RHOBTB1: variants seen among roughly 807,000 people sequenced by gnomAD.
RHOBTB1 encodes the protein Rho related BTB domain containing 1, also known as rho-related BTB domain-containing protein 1.
In RHOBTB1, 40 loss-of-function variants were observed where a neutral mutation model predicts 71.6. That is an observed-to-expected ratio of 0.56 (90% CI 0.43 to 0.73). The LOEUF (loss-of-function observed/expected upper bound fraction) is 0.73. Ranked by LOEUF, RHOBTB1 falls within the 30% of genes least tolerant of loss-of-function variation. The pLI, the probability that RHOBTB1 is intolerant of heterozygous loss-of-function variation, is 0.00. For synonymous variants in RHOBTB1, 319 were observed against 334.9 expected (o/e 0.95, Z 0.52); for missense variants, 797 against 894.0 (o/e 0.89, Z 1.38).
At chr10:60,892,048 C>T (rs991237745) in intron 5 of RHOBTB1, among the ~76,000 whole-genome samples, 17 of 152,188 alleles carry the variant, frequency 1.1e-4, no homozygotes, top group Non-Finnish European at 2.5e-4. Context: ...GCCATGATTG[C>T]AAATTTCCTG....
intron 2 of RHOBTB1, among the ~76,000 whole-genome samples, chr10:60,934,371 C>A (rs572475562): frequency 3.9e-5 from 6 of 152,194 alleles, no homozygotes; most frequent in South Asian, 2.1e-4. Flanking sequence ...GAACTAATAC[C>A]TCAATAGGCC....
At chr10:60,955,216 T>C (rs1394113742) in intron 2 of RHOBTB1, among the ~76,000 whole-genome samples, 4 of 151,948 alleles carry the variant, frequency 2.6e-5, no homozygotes, top group Non-Finnish European at 4.4e-5. Flanking sequence ...AGCTAATTTT[T>C]GTATTTTTAG....
At chr10:60,948,011 T>C (rs1251717809), upstream of RHOBTB1, among the ~76,000 whole-genome samples, 1 of 152,238 alleles carries the variant, frequency 6.6e-6, no homozygotes, top group Admixed American at 6.5e-5. Context: ...CTTGTTATAA[T>C]AGTTGTGTAG....
At chr10:60,955,455 T>C (rs2085559591) in intron 2 of RHOBTB1, among the ~76,000 whole-genome samples, 1 of 152,160 alleles carries the variant, frequency 6.6e-6, no homozygotes, top group Non-Finnish European at 1.5e-5. Flanking sequence ...CAGACATGGA[T>C]CAATCATGCA....
intron 2 of RHOBTB1, among the ~76,000 whole-genome samples, chr10:60,935,583 T>C (rs2084533059): frequency 6.6e-6 from 1 of 152,180 alleles, no homozygotes; most frequent in South Asian, 2.1e-4. Flanking sequence ...TGGGAATCAC[T>C]ACACCAGATG....
chr10:60,922,309 C>A (rs190339102), intron 2 of RHOBTB1, among the ~76,000 whole-genome samples: 2 of 152,300 alleles, frequency 1.3e-5, no homozygotes, highest in East Asian at 3.9e-4. Flanking sequence ...AAGAGCCACA[C>A]CACAAAATGC....
At chr10:60,963,453 C>A (rs1435227368) in intron 2 of RHOBTB1, among the ~76,000 whole-genome samples, 4 of 152,088 alleles carry the variant, frequency 2.6e-5, no homozygotes, top group African/African-American at 9.7e-5. Flanking sequence ...AAAGTTGCAC[C>A]CTTTGCATAA....
intron 2 of RHOBTB1, among the ~76,000 whole-genome samples, chr10:60,933,375 T>C (rs2084370971): frequency 1.3e-5 from 2 of 152,192 alleles, no homozygotes; most frequent in African/African-American, 4.8e-5. Flanking sequence ...CATCCAATTT[T>C]AAGGTTTTAT....
chr10:60,967,533 C>A (rs2086012898), intron 2 of RHOBTB1, among the ~76,000 whole-genome samples: 2 of 151,824 alleles, frequency 1.3e-5, no homozygotes, highest in Admixed American at 1.3e-4. Context: ...GGATGGCAAT[C>A]CTGATGGATG....
At chr10:60,878,245 G>C (rs779104100) in intron 7 of RHOBTB1, among the ~76,000 whole-genome samples, 187 bp from the exon 8 acceptor site, 1 of 152,170 alleles carries the variant, frequency 6.6e-6, no homozygotes, top group Non-Finnish European at 1.5e-5. Context: ...ATTTGTAGTT[G>C]ACAAAAGAGT....
Position 60,908,266 on chromosome 10 carries a change from C to G in RHOBTB1, c.296+2621G>C, listed in dbSNP as rs149927618. On this transcript the variant is annotated intron_variant, in intron 4 of 10. Transcript: ENST00000337910. ...CCTTTTGCTATGAAGCAGAGGAAAC[C>G]GAAGGCAAGGTCTAAAACATGTTGG... 2.6e-5 allele frequency among the ~76,000 whole-genome samples: 4 copies of G among 152,160 alleles called. No homozygotes were observed. In the South Asian group the frequency reaches 8.3e-4, roughly 32 times the overall value.
chr10:60,995,298 T>C (rs1213853076), intron 1 of RHOBTB1, among the ~76,000 whole-genome samples: 1 of 152,110 alleles, frequency 6.6e-6, no homozygotes, highest in Admixed American at 6.6e-5. Flanking sequence ...TTACTACTTT[T>C]ATTTTACCTA....
intron 1 of RHOBTB1, among the ~76,000 whole-genome samples, chr10:60,990,036 G>A (rs550039697): frequency 3.2e-4 from 46 of 143,894 alleles, no homozygotes; most frequent in Non-Finnish European, 5.7e-4. Flanking sequence ...AGGCTGGAGT[G>A]CAGTGGCGCG....
chr10:60,900,078 CT>C (rs1223457323), intron 4 of RHOBTB1, among the ~76,000 whole-genome samples: 1 of 152,134 alleles, frequency 6.6e-6, no homozygotes, highest in Non-Finnish European at 1.5e-5. Flanking sequence ...CCATGCCATT[CT>C]GCTGGAGCAC....
At chr10:60,940,921 A>G (rs1327553963) in intron 2 of RHOBTB1, among the ~76,000 whole-genome samples, 1 of 152,208 alleles carries the variant, frequency 6.6e-6, no homozygotes, top group Non-Finnish European at 1.5e-5. Context: ...CTGAATGTTT[A>G]ACATCTTGCC....
chr10:60,971,177 A>T (rs186896420), intron 2 of RHOBTB1, among the ~76,000 whole-genome samples: 2 of 152,148 alleles, frequency 1.3e-5, no homozygotes, highest in East Asian at 3.9e-4. Flanking sequence ...TATTTGTAGA[A>T]ATTATTTATA....
chr10:60,900,435 G>C (rs2082361810), intron 4 of RHOBTB1, among the ~76,000 whole-genome samples: 2 of 152,146 alleles, frequency 1.3e-5, no homozygotes, highest in Non-Finnish European at 2.9e-5. Context: ...GCTTTTTCGT[G>C]AGCTATTTAT....
intron 6 of RHOBTB1, among the ~76,000 whole-genome samples, chr10:60,887,095 C>A (rs1241052901): frequency 2.0e-5 from 3 of 151,280 alleles, no homozygotes; most frequent in African/African-American, 7.3e-5. Flanking sequence ...AAAACAGAAT[C>A]CAATTGAGAC....
At chr10:60,913,220 G>A (rs941505700) in intron 2 of RHOBTB1, among the ~76,000 whole-genome samples, 9 of 152,174 alleles carry the variant, frequency 5.9e-5, no homozygotes, top group African/African-American at 1.9e-4. Context: ...CGACTGTAAC[G>A]CCATCACAGG....
Sources: gnomAD v4.1 joint callset for allele counts (sites outside exome capture counted in the v4.1 genomes callset) on GRCh38, gnomAD v4.1.1 for gene constraint, MANE v1.5 for transcripts, NCBI Gene and HGNC (gene_info 2026-07-23, HGNC 2026-07-21) for gene names.